The following TIMM23B variants were observed in gnomAD, a reference collection of about 807,000 sequenced individuals.
TIMM23B encodes the protein mitochondrial import inner membrane translocase subunit Tim23B.
Under a neutral mutation model 27.3 loss-of-function variants are expected in TIMM23B, and 27 were observed. The ratio of observed to expected loss-of-function variants is 0.99; its 90% CI spans 0.73 to 1.36. The LOEUF is 1.36. Among genes scored for constraint, TIMM23B ranks in the 40% most tolerant of loss-of-function variants. The pLI is 0.00. For synonymous variants in TIMM23B, 73 were observed against 92.4 expected (o/e 0.79, Z 1.21); for missense variants, 205 against 244.2 (o/e 0.84, Z 1.07).
At chr10:49,965,682 T>C (rs1840112654) in intron 6 of TIMM23B, among the ~76,000 whole-genome samples, 1 of 127,394 alleles carries the variant, frequency 7.8e-6, no homozygotes, top group African/African-American at 3.1e-5. Flanking sequence ...TGAAATGAAA[T>C]GAAGTGAGAA....
intron 2 of TIMM23B, among the ~76,000 whole-genome samples, chr10:49,948,249 C>G (rs1839414885): frequency 1.3e-5 from 2 of 151,990 alleles, no homozygotes; most frequent in South Asian, 4.1e-4. Context: ...AGAAATTGGA[C>G]CTCTGTACAT....
intron 4 of TIMM23B, among the ~76,000 whole-genome samples, chr10:49,953,123 TAAG>T (rs1317186083): frequency 6.6e-6 from 1 of 152,196 alleles, no homozygotes; most frequent in Non-Finnish European, 1.5e-5. Flanking sequence ...TCACCCAACT[TAAG>T]AAGTAAACAT....
chr10:49,958,502 G>A (rs1839795363), intron 6 of TIMM23B, 22 bp downstream of exon 6: 1 of 1,606,756 alleles, frequency 6.2e-7, no homozygotes, highest in Non-Finnish European at 8.5e-7. Flanking sequence ...TGAATGGGGA[G>A]CCATCTCTTA....
At chr10:49,943,261 G>T (rs1412134582) in intron 1 of TIMM23B, 1 of 151,914 alleles carries the variant, frequency 6.6e-6, no homozygotes, top group South Asian at 2.1e-4. Flanking sequence ...TGTCACCCAT[G>T]TTGGGGTGCG....
intron 5 of TIMM23B, among the ~76,000 whole-genome samples, chr10:49,955,866 G>T (rs1273843395): frequency 6.6e-6 from 1 of 152,182 alleles, no homozygotes. Flanking sequence ...TGGATCCTAA[G>T]AGATGGCTGC....
At chr10:49,947,183 G>A (rs1839379423) in intron 2 of TIMM23B, among the ~76,000 whole-genome samples, 2 of 152,158 alleles carry the variant, frequency 1.3e-5, no homozygotes, top group Admixed American at 6.5e-5. Context: ...AGAAATCATG[G>A]GCACAAGTAG....
chr10:49,945,024 C>T lies in TIMM23B; in HGVS notation c.107-8C>T, dbSNP rs1839312183. 3 of 1,560,726 alleles carry T rather than the reference C, an allele frequency of 1.9e-6. No homozygotes were observed. The highest frequency in any genetic ancestry group is 2.2e-5 in the South Asian group (2 of 89,046). ...TTGTTGCAATGTGACATTTTGTTTT[C>T]TCTCTAGTAACTGGTATGAACCCTC... On this transcript the variant is annotated splice_polypyrimidine_tract_variant and splice_region_variant and intron_variant, in intron 1 of 6. Coordinates refer to ENST00000651259, the MANE Select transcript of TIMM23B (RefSeq NM_001290117.2).
intron 3 of TIMM23B, 27 bp from the exon 4 acceptor site, chr10:49,952,422 T>C (rs1424185760): frequency 6.8e-6 from 11 of 1,611,454 alleles, no homozygotes; most frequent in Admixed American, 1.7e-5. Flanking sequence ...AGCTGTCTTA[T>C]CTGGGTGAAT....
intron 6 of TIMM23B, among the ~76,000 whole-genome samples, chr10:49,969,831 C>G (rs1326154224): frequency 6.6e-6 from 1 of 151,682 alleles, no homozygotes; most frequent in Non-Finnish European, 1.5e-5. Context: ...TGGTCTCCCT[C>G]TGATGCCGAG....
intron 6 of TIMM23B, among the ~76,000 whole-genome samples, chr10:49,966,592 G>A (rs1267755872): frequency 6.6e-6 from 1 of 152,018 alleles, no homozygotes; most frequent in African/African-American, 2.4e-5. Flanking sequence ...TTGGGAGGCC[G>A]AGGCAGGTGG....
At chr10:49,968,275 T>C (rs1226588257) in intron 6 of TIMM23B, among the ~76,000 whole-genome samples, 7 of 152,226 alleles carry the variant, frequency 4.6e-5, no homozygotes, top group Admixed American at 4.6e-4. Flanking sequence ...ACGGATAAAG[T>C]TTGAAATGCA....
chr10:49,945,060 T>C lies in TIMM23B; in HGVS notation c.135T>C (p.Tyr45=). Residue 45 remains tyrosine (Y), a synonymous_variant, in exon 2 of 7, where the codon TAT becomes TAC. Coordinates refer to ENST00000651259, the MANE Select transcript of TIMM23B (RefSeq NM_001290117.2). ...CTGGTATGAACCCTCTGTGTCCTTATTTAAATGTGGATCCACGATACCTCG... is the reference window on the plus strand; with the variant it reads ...CTGGTATGAACCCTCTGTGTCCTTACTTAAATGTGGATCCACGATACCTCG... ...PLTGMNPLCP[Y]LNVDPRYLVQ... 2 of 1,599,994 alleles carry C rather than the reference T, an allele frequency of 1.3e-6. No homozygotes were observed. The highest frequency in any genetic ancestry group is 2.2e-5 in the South Asian group (2 of 89,820).
intron 6 of TIMM23B, among the ~76,000 whole-genome samples, chr10:49,958,882 T>G (rs1196441977): frequency 1.3e-5 from 2 of 152,216 alleles, no homozygotes; most frequent in African/African-American, 4.8e-5. Flanking sequence ...ATTGGCTTAT[T>G]TTACGTAGCA....
intron 5 of TIMM23B, among the ~76,000 whole-genome samples, chr10:49,956,341 T>G (rs1386555399): frequency 4.0e-5 from 6 of 151,532 alleles, no homozygotes; most frequent in Admixed American, 1.3e-4. Context: ...GGAAGATACT[T>G]TAAAATGAAA....
chr10:49,962,073 A>G (rs1314594698), intron 6 of TIMM23B, among the ~76,000 whole-genome samples: 3 of 152,022 alleles, frequency 2.0e-5, no homozygotes, highest in Non-Finnish European at 4.4e-5. Context: ...ACATCTCAGT[A>G]TGTGTAGACT....
rs1375808767 is a variant in TIMM23B at position 49,952,152 on chromosome 10, C to T, written c.192C>T (p.Thr64=). 14 of 1,603,416 alleles carry T rather than the reference C, an allele frequency of 8.7e-6. No homozygotes were observed. Among genetic ancestry groups the T allele is most frequent in the South Asian group, 1.1e-5 (1 of 90,856 alleles). Residue 64 remains threonine, a synonymous_variant, in exon 3 of 7, where the codon ACC becomes ACT. Transcript: ENST00000651259. ...VQDTDEFILP[T]GANKTWGRFE... is the part of the protein sequence containing the mutation. ...ATACAGATGAGTTCATTTTACCTAC[C>T]GGAGCTAATAAAACCTGGGGCAGAT...
intron 6 of TIMM23B, among the ~76,000 whole-genome samples, chr10:49,966,065 A>AATGAC (rs146709772): frequency 0.11 from 15,752 of 143,622 alleles, 1,486 homozygotes; most frequent in East Asian, 0.32. Context: ...CTCGAAATGA[A>AATGAC]ATGACATGAC....
intron 4 of TIMM23B, chr10:49,954,093 A>T (rs1316757522): frequency 6.4e-6 from 1 of 155,164 alleles, no homozygotes; most frequent in East Asian, 1.9e-4. Context: ...AACATTACTG[A>T]TTTTTTAAAA....
chr10:49,964,569 G>GATGAAATGAAATAATGAAATGAATA (rs1564687716), intron 6 of TIMM23B, among the ~76,000 whole-genome samples: 1 of 150,680 alleles, frequency 6.6e-6, no homozygotes, highest in African/African-American at 2.4e-5. Flanking sequence ...GAAATGAAAT[G>GATGAAATGAAATAATGAAATGAATA]ATGAAATGAA....
Sources: allele counts gnomAD v4.1 joint callset (sites outside exome capture counted in the v4.1 genomes callset), GRCh38; gene constraint gnomAD v4.1.1; transcripts MANE v1.5; gene names NCBI Gene and HGNC (gene_info 2026-07-23, HGNC 2026-07-21).